The following TUBGCP3 variants were observed in gnomAD, a reference collection of about 807,000 sequenced individuals.
The protein encoded by TUBGCP3 is gamma-tubulin complex component 3.
In TUBGCP3, 50 loss-of-function variants were observed where a neutral mutation model predicts 123.1. The observed-to-expected ratio is 0.41, with a 90% CI of 0.32 to 0.51. TUBGCP3 has a LOEUF of 0.51. Ranked by LOEUF, TUBGCP3 falls within the 20% of genes least tolerant of loss-of-function variation. The pLI, the probability that TUBGCP3 is intolerant of heterozygous loss-of-function variation, is 0.36. For synonymous variants in TUBGCP3, 405 were observed against 413.9 expected (o/e 0.98, Z 0.26); for missense variants, 882 against 1,127.0 (o/e 0.78, Z 3.11).
chr13:112,527,368 T>C lies in TUBGCP3; in HGVS notation c.1446+6A>G. ...TCAAAATCACAAAAATCTCTTCTAATCCTACCTTCCTAGACTGATCCATCG... is the reference window on the plus strand; with the variant it reads ...TCAAAATCACAAAAATCTCTTCTAACCCTACCTTCCTAGACTGATCCATCG... On this transcript the variant is annotated splice_donor_region_variant and intron_variant, in intron 12 of 21. Transcript: ENST00000261965. The C allele has an allele frequency of 6.5e-7, 1 of 1,531,630 alleles. No homozygotes were observed. The highest frequency in any genetic ancestry group is 8.8e-7 in the Non-Finnish European group (1 of 1,141,042). 94.9% of individuals were successfully genotyped at this position (1,531,630 alleles called of 1,614,324 possible). A position where few individuals can be genotyped will look rare whatever the true frequency, so the allele number is the denominator to read the frequency against.
chr13:112,543,010 C>T (rs942919783), intron 11 of TUBGCP3, among the ~76,000 whole-genome samples: 8 of 152,038 alleles, frequency 5.3e-5, no homozygotes, highest in Non-Finnish European at 1.2e-4. Flanking sequence ...CTTAGCTGGG[C>T]GTAGCAGCGT....
At chr13:112,593,260 A>C in the TUBGCP3 span, among the ~76,000 whole-genome samples, 1 of 152,150 alleles carries the variant, frequency 6.6e-6, no homozygotes, top group Non-Finnish European at 1.5e-5. Flanking sequence ...CTCTACAAAA[A>C]TACAAAAATT....
intron 11 of TUBGCP3, among the ~76,000 whole-genome samples, chr13:112,538,778 A>G (rs1878270003): frequency 1.3e-5 from 2 of 152,162 alleles, no homozygotes; most frequent in Admixed American, 6.5e-5. Context: ...TTAACCACAC[A>G]CTTGAAAAAA....
chr13:112,576,865 AAAC>A (rs1404561823), intron 1 of TUBGCP3, among the ~76,000 whole-genome samples: 2 of 152,036 alleles, frequency 1.3e-5, no homozygotes, highest in Non-Finnish European at 1.5e-5. Context: ...GAAAAAGAAC[AAAC>A]AAAACTCAAA....
rs988734524 is a variant in TUBGCP3 at position 112,519,391 on chromosome 13, G to A, written c.1882-348C>T. On this transcript the variant is annotated intron_variant, in intron 15 of 21. Coordinates refer to ENST00000261965, the MANE Select transcript of TUBGCP3 (RefSeq NM_006322.6). The surrounding 1 kb of genome is among the most constrained non-coding windows in gnomAD (Gnocchi z 6.2). The stretch of plus-strand genomic sequence containing the variant: ...TTGCAATATTTTAAGAAAACCAACC[G>A]TTCTGCTAATGATCTTCCATCACAA... 1.3e-5 allele frequency among the ~76,000 whole-genome samples: 2 copies of A among 152,080 alleles called. No individual in the cohort carries two copies. Among genetic ancestry groups the A allele is most frequent in the African/African-American group, 2.4e-5 (1 of 41,398 alleles).
rs1017318255 is a variant in TUBGCP3 at position 112,558,281 on chromosome 13, C to T, written c.463G>A (p.Gly155Ser). ...CTGATGCCACTGCTGCCCACGCTGC[C>T]GGAGCTCTGGGCTGACTGGGCACTC... is the stretch of plus-strand genomic sequence containing the variant. The part of the protein sequence containing the change: ...DRSAQSAQSS[G>S]SVGSSGISSI... Residue 155 changes from glycine to serine, a missense_variant, in exon 5 of 22, where the codon GGC becomes AGC. Around this residue, in one of 3 missense-constraint regions of TUBGCP3, gnomAD observed 713 missense variants for 874.0 expected, o/e 0.82. Transcript: ENST00000261965. The T allele has an allele frequency of 4.3e-6, 7 of 1,613,222 alleles. No homozygotes were observed. Among genetic ancestry groups the T allele is most frequent in the African/African-American group, 4.0e-5 (3 of 75,020 alleles).
Position 112,519,100 on chromosome 13 carries a change from T to C in TUBGCP3, c.1882-57A>G. On this transcript the variant is annotated intron_variant, in intron 15 of 21. Coordinates refer to ENST00000261965, the MANE Select transcript of TUBGCP3 (RefSeq NM_006322.6). The surrounding 1 kb of genome is among the most constrained non-coding windows in gnomAD (Gnocchi z 6.2). The stretch of plus-strand genomic sequence containing the variant: ...ACCTTAAGCTTCTTGCTGAAGAACT[T>C]GTTAACGCAAAGAAAAAGCAGTAAA... 7.1e-7 allele frequency: 1 copy of C among 1,416,156 alleles called. No homozygotes were observed. The highest frequency in any genetic ancestry group is 1.0e-6 in the Non-Finnish European group (1 of 1,001,334). 87.7% of individuals were successfully genotyped at this position (1,416,156 alleles called of 1,614,324 possible).
intron 10 of TUBGCP3, 25 bp downstream of exon 10, chr13:112,547,580 CGCGTGGGAAAGACGT>C (rs755355973): frequency 3.6e-4 from 402 of 1,117,170 alleles, no homozygotes; most frequent in Admixed American, 1.7e-3. Context: ...GGGAAAGTCG[CGCGTGGGAAAGACGT>C]GCGTGGGAAA....
chr13:112,540,087 T>C (rs374010704), intron 11 of TUBGCP3, among the ~76,000 whole-genome samples: 2 of 144,906 alleles, frequency 1.4e-5, no homozygotes, highest in Admixed American at 7.0e-5. Context: ...GACGTCAATG[T>C]AGTAGCCCTA....
chr13:112,507,458 C>T (rs953768374), intron 17 of TUBGCP3, among the ~76,000 whole-genome samples: 2 of 152,204 alleles, frequency 1.3e-5, no homozygotes, highest in African/African-American at 4.8e-5. Flanking sequence ...GGAAACTTCA[C>T]CTGAAAGTTT....
At position 112,504,079 on chromosome 13, in the gene TUBGCP3, A is replaced by G; in HGVS notation, c.2260T>C (p.Phe754Leu). Residue 754 changes from phenylalanine (F) to leucine (L), a missense_variant, in exon 19 of 22, where the codon TTC (phenylalanine) becomes CTC (leucine). Phe to Leu is a conservative substitution (Grantham distance 22). Coordinates refer to ENST00000261965, the MANE Select transcript of TUBGCP3 (RefSeq NM_006322.6). Reference sequence around the variant, plus strand: ...CAGCGGGAGATGATGGTGTCTAAGAACACCTCGTGTGCAGCAATGATGTGA... The same window carrying G: ...CAGCGGGAGATGATGGTGTCTAAGAGCACCTCGTGTGCAGCAATGATGTGA... ...LDHIIAAHEV[F>L]LDTIISRCLL... The G allele has an allele frequency of 6.2e-7, 1 of 1,614,074 alleles. No individual in the cohort carries two copies. The highest frequency in any genetic ancestry group is 8.5e-7 in the Non-Finnish European group (1 of 1,180,002).
chr13:112,563,569 A>G (rs896159769), intron 3 of TUBGCP3, among the ~76,000 whole-genome samples: 7 of 152,052 alleles, frequency 4.6e-5, no homozygotes, highest in Non-Finnish European at 7.4e-5. Flanking sequence ...TAAGTCACAA[A>G]GTGTCTAAAT....
intron 1 of TUBGCP3, among the ~76,000 whole-genome samples, chr13:112,572,000 T>C (rs1375699254): frequency 6.6e-6 from 1 of 152,256 alleles, no homozygotes; most frequent in Non-Finnish European, 1.5e-5. Flanking sequence ...TTTGATCTTC[T>C]ATCCAGACCA....
intron 21 of TUBGCP3, among the ~76,000 whole-genome samples, chr13:112,487,201 C>A (rs1879744135): frequency 6.6e-6 from 1 of 151,964 alleles, no homozygotes; most frequent in South Asian, 2.1e-4. Context: ...TGTGATGAAA[C>A]TGAAATACAA....
intron 1 of TUBGCP3, among the ~76,000 whole-genome samples, chr13:112,587,664 C>T (rs1478630078): frequency 6.6e-6 from 1 of 152,024 alleles, no homozygotes; most frequent in Non-Finnish European, 1.5e-5. Context: ...CCGGCCTTGG[C>T]CTCTCCACTC....
the TUBGCP3 span, among the ~76,000 whole-genome samples, chr13:112,597,664 T>C: frequency 6.6e-6 from 1 of 151,892 alleles, no homozygotes; most frequent in Non-Finnish European, 1.5e-5. Flanking sequence ...CTAAAAAACA[T>C]TAACTGAAAT....
rs536729028 is a variant in TUBGCP3 at position 112,580,450 on chromosome 13, A to G, written c.76+7455T>C. On this transcript the variant is annotated intron_variant, in intron 1 of 21. Transcript: ENST00000261965. ...AGTTTGCGACCAGCCTGGACAATAC[A>G]GCAAGATCCTTCTCAAAAAAAAAAT... Among the ~76,000 whole-genome samples the G allele has an allele frequency of 5.3e-5, 8 of 152,124 alleles. No homozygotes were observed. The East Asian group carries it at 1.2e-3, about 22-fold the overall frequency.
At chr13:112,593,944 A>G in the TUBGCP3 span, among the ~76,000 whole-genome samples, 1 of 152,238 alleles carries the variant, frequency 6.6e-6, no homozygotes, top group Admixed American at 6.5e-5. Flanking sequence ...GATAAAATGG[A>G]CAAATTCCTA....
chr13:112,565,282 A>G (rs2139259265), intron 2 of TUBGCP3, 104 bp from the exon 3 acceptor site: 2 of 976,306 alleles, frequency 2.0e-6, no homozygotes, highest in Non-Finnish European at 3.1e-6. Flanking sequence ...TGATGAATTC[A>G]GAGTCAAAAG....
Sources: gnomAD v4.1 joint callset for allele counts (sites outside exome capture counted in the v4.1 genomes callset) on GRCh38, gnomAD v4.1.1 for gene constraint, gnomAD v4.1.1 regional missense constraint, Gnocchi (gnomAD v3.1) non-coding constraint, MANE v1.5 for transcripts, NCBI Gene and HGNC (gene_info 2026-07-23, HGNC 2026-07-21) for gene names.